AFF3: variants seen among roughly 807,000 people sequenced by gnomAD.
AFF3 encodes AF4/FMR2 family member 3.
Under a neutral mutation model 129.7 loss-of-function variants are expected in AFF3, and 32 were observed. The ratio of observed to expected loss-of-function variants is 0.25; its 90% confidence interval spans 0.19 to 0.33. The LOEUF is 0.33. Among genes scored for constraint, AFF3 ranks in the 10% least tolerant of loss-of-function variants. The pLI is 1.00. For missense variants in AFF3, 1,373 were observed against 1,592.0 expected (o/e 0.86, Z 2.34); for synonymous variants, 644 against 635.4 (o/e 1.01, Z -0.20).
intron 8 of AFF3, among the ~76,000 whole-genome samples, chr2:99,776,916 G>T: frequency 6.6e-6 from 1 of 152,200 alleles, no homozygotes; most frequent in African/African-American, 2.4e-5. Flanking sequence ...TTGATGAAGA[G>T]TTTGTGGGGG....
chr2:99,770,272 G>A (rs961232021), intron 8 of AFF3, among the ~76,000 whole-genome samples: 10 of 152,154 alleles, frequency 6.6e-5, no homozygotes, highest in African/African-American at 2.4e-4. Context: ...ACCACGACAG[G>A]CCCACAGGGA....
Position 99,806,937 on chromosome 2 carries a change from T to TGGAAACTTCCTGGTTTATCA in AFF3, c.921+30520_921+30539dup, listed in dbSNP as rs1474881731. Among the ~76,000 whole-genome samples the TGGAAACTTCCTGGTTTATCA allele has an allele frequency of 2.8e-4, 43 of 152,324 alleles. 1 individual carries two copies. Among genetic ancestry groups the TGGAAACTTCCTGGTTTATCA allele is most frequent in the South Asian group, 1.7e-3 (8 of 4,822 alleles). The stretch of plus-strand genomic sequence containing the variant: ...AGACATACTCCTGGAATGTGGCACA[T>TGGAAACTTCCTGGTTTATCA]GGAAACTTCCTGGTTTATCAGGAGT... On this transcript the variant is annotated intron_variant, in intron 8 of 24. Coordinates refer to ENST00000672756, the MANE Select transcript of AFF3 (RefSeq NM_001386135.1).
At chr2:99,710,677 G>A (rs917212739) in intron 11 of AFF3, among the ~76,000 whole-genome samples, 1 of 152,166 alleles carries the variant, frequency 6.6e-6, no homozygotes, top group African/African-American at 2.4e-5. Context: ...AAAGGTGAGT[G>A]CCTGCCTGAA....
intron 2 of AFF3, chr2:100,109,924 C>G (rs1691457826): frequency 6.6e-6 from 1 of 152,186 alleles, no homozygotes; most frequent in East Asian, 1.9e-4. Context: ...TTGGCGCATT[C>G]TCATGCTCAC....
intron 8 of AFF3, among the ~76,000 whole-genome samples, chr2:99,756,515 G>A (rs564649706): frequency 1.3e-5 from 2 of 152,348 alleles, no homozygotes; most frequent in East Asian, 3.9e-4. Flanking sequence ...AGAGGCATGA[G>A]TTCCAAGCTA....
chr2:99,991,549 T>C (rs777225834), intron 7 of AFF3, among the ~76,000 whole-genome samples: 2 of 152,236 alleles, frequency 1.3e-5, no homozygotes, highest in African/African-American at 4.8e-5. Flanking sequence ...AGAATCTTAT[T>C]GTGATGTATA....
intron 8 of AFF3, among the ~76,000 whole-genome samples, chr2:99,754,847 C>A (rs1272274485): frequency 6.6e-6 from 1 of 152,216 alleles, no homozygotes; most frequent in African/African-American, 2.4e-5. Flanking sequence ...TGAAAACTTA[C>A]CATTGGCAGG....
chr2:99,943,383 G>C (rs1299718491), intron 7 of AFF3, among the ~76,000 whole-genome samples: 4 of 152,114 alleles, frequency 2.6e-5, no homozygotes, highest in Non-Finnish European at 5.9e-5. Context: ...CTAATCTTTT[G>C]ATTTAGTTAC....
intron 13 of AFF3, among the ~76,000 whole-genome samples, chr2:99,644,016 C>A (rs566742058): frequency 6.6e-6 from 1 of 152,226 alleles, no homozygotes; most frequent in South Asian, 2.1e-4. Context: ...CACAGCCACA[C>A]GGCTGTTTCT....
At chr2:99,752,882 T>G (rs1439488772) in intron 8 of AFF3, among the ~76,000 whole-genome samples, 2 of 152,122 alleles carry the variant, frequency 1.3e-5, no homozygotes, top group South Asian at 2.1e-4. Context: ...GAACACAACA[T>G]GAGCTTAACA....
In AFF3 at chr2:99,947,597, AAGAAAGATAGAT is replaced by A. The variant is rs1170150787; in HGVS notation, c.873+59023_873+59034del. Reference sequence around the variant, plus strand: ...AGAAAAGAAAAGAAAGAAAGAAAGAAAGAAAGATAGATAGATAGATAGATAGATAGATAGATA... The same window carrying A: ...AGAAAAGAAAAGAAAGAAAGAAAGAAAGATAGATAGATAGATAGATAGATA... On this transcript the variant is annotated intron_variant, in intron 7 of 24. Transcript: ENST00000672756. 6.0e-3 allele frequency among the ~76,000 whole-genome samples: 845 copies of A among 140,768 alleles called. 3 individuals carry two copies. Among genetic ancestry groups the A allele is most frequent in the African/African-American group, 0.011 (407 of 37,208 alleles). 92.3% of individuals were successfully genotyped at this position (140,768 alleles called of 152,430 possible). A position where few individuals can be genotyped will look rare whatever the true frequency, so the allele number is the denominator to read the frequency against.
At chr2:100,123,631 G>C (rs146002976) in intron 2 of AFF3, among the ~76,000 whole-genome samples, 2 of 152,144 alleles carry the variant, frequency 1.3e-5, no homozygotes, top group African/African-American at 2.4e-5. Flanking sequence ...TAGAATAAAG[G>C]CCTCCTCATT....
intron 7 of AFF3, among the ~76,000 whole-genome samples, chr2:99,890,042 C>A (rs1043537897): frequency 6.6e-6 from 1 of 152,172 alleles, no homozygotes; most frequent in Non-Finnish European, 1.5e-5. Flanking sequence ...TGTGCACAGG[C>A]GAGTTCTGAA....
chr2:99,852,093 C>A (rs1449689210), intron 7 of AFF3, among the ~76,000 whole-genome samples: 3 of 152,074 alleles, frequency 2.0e-5, no homozygotes, highest in African/African-American at 7.2e-5. Context: ...GCAGGCACCC[C>A]AGCGGTCCTC....
chr2:99,648,917 A>ACACTCTCTCTCTCT lies in AFF3; in HGVS notation c.1184+708_1184+709insAGAGAGAGAGAGTG. Among the ~76,000 whole-genome samples, 14 of 46,938 alleles carry ACACTCTCTCTCTCT rather than the reference A, an allele frequency of 3.0e-4. No individual in the cohort carries two copies. The East Asian group carries it at 7.0e-3, about 23-fold the overall frequency. The allele number at this position is 46,938 out of a possible 152,430, so 30.8% of individuals were successfully genotyped here. A position where few individuals can be genotyped will look rare whatever the true frequency, so the allele number is the denominator to read the frequency against. On this transcript the variant is annotated intron_variant, in intron 13 of 24. Coordinates refer to ENST00000672756, the MANE Select transcript of AFF3 (RefSeq NM_001386135.1). ...CACACACACACACACACACACACAC[A>ACACTCTCTCTCTCT]CTCTCTCTCTCTCTCTCTCTCCAAT... is the stretch of plus-strand genomic sequence containing the variant.
At chr2:100,083,798 G>C (rs1418558766) in intron 4 of AFF3, among the ~76,000 whole-genome samples, 5 of 152,240 alleles carry the variant, frequency 3.3e-5, no homozygotes, top group East Asian at 3.9e-4. Flanking sequence ...ACAAGGCTAA[G>C]GGAGGAAGAA....
At chr2:99,786,562 T>G (rs1285078007) in intron 8 of AFF3, among the ~76,000 whole-genome samples, 1 of 152,228 alleles carries the variant, frequency 6.6e-6, no homozygotes, top group Non-Finnish European at 1.5e-5. Flanking sequence ...CGCAATGCAG[T>G]AAGCGTAAGG....
intron 14 of AFF3, among the ~76,000 whole-genome samples, chr2:99,599,548 G>A (rs1391012714): frequency 2.6e-5 from 4 of 152,190 alleles, no homozygotes; most frequent in East Asian, 1.9e-4. Context: ...GAGCCACTGC[G>A]CCCGGCCAAC....
chr2:99,780,661 T>C (rs1452559472), intron 8 of AFF3, among the ~76,000 whole-genome samples: 1 of 152,214 alleles, frequency 6.6e-6, no homozygotes, highest in African/African-American at 2.4e-5. Context: ...GCTTTTTCCA[T>C]TGTCTTCCCC....
Sources: allele counts gnomAD v4.1 joint callset (sites outside exome capture counted in the v4.1 genomes callset), GRCh38; gene constraint gnomAD v4.1.1; transcripts MANE v1.5; gene names NCBI Gene and HGNC (gene_info 2026-07-23, HGNC 2026-07-21).